NUP214: variants seen among roughly 807,000 people sequenced by gnomAD.
NUP214 encodes the protein nucleoporin 214.
NUP214 carries 79 observed loss-of-function variants against 196.2 expected under a neutral mutation model. That is an observed-to-expected ratio of 0.40 (90% CI 0.34 to 0.49). The LOEUF is 0.49. Ranked by LOEUF, NUP214 falls within the 20% of genes least tolerant of loss-of-function variation. NUP214 has a pLI of 0.58. For missense variants in NUP214, 2,468 were observed against 2,539.0 expected (o/e 0.97, Z 0.60); for synonymous variants, 1,020 against 990.5 (o/e 1.03, Z -0.56).
intron 30 of NUP214, among the ~76,000 whole-genome samples, chr9:131,211,730 C>T (rs1167945861): frequency 6.6e-6 from 1 of 152,216 alleles, no homozygotes; most frequent in Non-Finnish European, 1.5e-5. Flanking sequence ...GATCAGTACT[C>T]TTGTGATTTC....
intron 24 of NUP214, among the ~76,000 whole-genome samples, chr9:131,183,910 T>C (rs1833363988): frequency 6.6e-6 from 1 of 152,040 alleles, no homozygotes; most frequent in Admixed American, 6.5e-5. Context: ...GCATGCTGCT[T>C]TGTAAATTTG....
chr9:131,163,694 AAT>A (rs1404721121), intron 19 of NUP214, among the ~76,000 whole-genome samples, 174 bp from the exon 20 acceptor site: 1 of 152,192 alleles, frequency 6.6e-6, no homozygotes, highest in Non-Finnish European at 1.5e-5. Context: ...GATGGTATAT[AAT>A]ATGATTGTGA....
In NUP214 at chr9:131,144,361, C is replaced by T; in HGVS notation, c.1376C>T (p.Pro459Leu). 1 of 1,614,160 alleles carries T rather than the reference C, an allele frequency of 6.2e-7. No individual in the cohort carries two copies. The highest frequency in any genetic ancestry group is 8.5e-7 in the Non-Finnish European group (1 of 1,180,018). Residue 459 changes from proline (P) to leucine (L), a missense_variant, in exon 12 of 36, where the codon CCA (proline) becomes CTA (leucine). Transcript: ENST00000359428. ...ASAAAAPASL[P>L]PSSPAAPIAT... ...GCAGCTGCAGCCCCTGCCTCTCTGC[C>T]ACCTTCATCACCTGCTGCTCCCATT...
Position 131,232,309 on chromosome 9 carries a change from G to GT in NUP214, c.6239+2dup. The GT allele has an allele frequency of 6.2e-7, 1 of 1,613,854 alleles. No individual in the cohort carries two copies. Among genetic ancestry groups the GT allele is most frequent in the Non-Finnish European group, 8.5e-7 (1 of 1,179,724 alleles). The stretch of plus-strand genomic sequence containing the variant: ...GGTTCAGCTTTGGGTCAAATAACTC[G>GT]TAAGTATCCCCCTTTTTGAGTCTCA... On this transcript the variant is annotated splice_donor_variant, in intron 35 of 35. Coordinates refer to ENST00000359428, the MANE Select transcript of NUP214 (RefSeq NM_005085.4). LOFTEE classifies it high-confidence loss of function. This position sits in a 1 kb window ranked among gnomAD's most constrained non-coding sequence, Gnocchi z 5.1.
intron 17 of NUP214, chr9:131,159,031 C>A: frequency 5.8e-6 from 1 of 172,890 alleles, no homozygotes; most frequent in Non-Finnish European, 1.2e-5. Context: ...CCACTCCTGG[C>A]CAATTTTGTT....
At position 131,223,006 on chromosome 9, in the gene NUP214, C is replaced by G; in HGVS notation, c.5902+76C>G. The G allele has an allele frequency of 2.1e-6, 3 of 1,435,348 alleles. No homozygotes were observed. The East Asian group carries it at 7.0e-5, about 33-fold the overall frequency. The allele number at this position is 1,435,348 out of a possible 1,614,324, so 88.9% of individuals were successfully genotyped here. A position where few individuals can be genotyped will look rare whatever the true frequency, so the allele number is the denominator to read the frequency against. On this transcript the variant is annotated intron_variant, in intron 32 of 35. Transcript: ENST00000359428. The stretch of plus-strand genomic sequence containing the variant: ...TGCATAGATATCTGGAAGGAGACAT[C>G]TCTAGGGTGGTTATCTTAAGAGAGT...
chr9:131,206,128 A>G (rs915075343), intron 30 of NUP214, among the ~76,000 whole-genome samples: 1 of 72,628 alleles, frequency 1.4e-5, no homozygotes, highest in African/African-American at 5.1e-5. Flanking sequence ...ATTATTCCAC[A>G]TAGAATTTTT....
chr9:131,174,327 A>G lies in NUP214; in HGVS notation c.3157+9A>G. On this transcript the variant is annotated intron_variant, in intron 22 of 35. Transcript: ENST00000359428. ...TGTGATGGGAACTTCAGGTAAGTAA[A>G]CAGTGGGAAAGGAAACTGTTTTTCC... is the stretch of plus-strand genomic sequence containing the variant. The G allele has an allele frequency of 1.2e-6, 2 of 1,605,046 alleles. No individual in the cohort carries two copies. The highest frequency in any genetic ancestry group is 1.7e-6 in the Non-Finnish European group (2 of 1,177,748).
At chr9:131,168,870 C>A (rs116022001) in intron 21 of NUP214, among the ~76,000 whole-genome samples, 6,133 of 151,990 alleles carry the variant, frequency 0.04, 161 homozygotes, top group African/African-American at 0.077. Context: ...TATTATAAAT[C>A]GTTTATCCCT....
chr9:131,196,025 T>TCCCCCCC (rs1365777357), intron 28 of NUP214, among the ~76,000 whole-genome samples: 4 of 3,664 alleles, frequency 1.1e-3, no homozygotes, highest in African/African-American at 1.3e-3. Flanking sequence ...ACTCTGTGTG[T>TCCCCCCC]CCCCCCCCCC....
At chr9:131,193,629 C>CTTTTCTTTTTT (rs1833678351) in intron 27 of NUP214, among the ~76,000 whole-genome samples, 1 of 28,218 alleles carries the variant, frequency 3.5e-5, no homozygotes, top group Non-Finnish European at 6.5e-5. Flanking sequence ...TCTTCCTTTT[C>CTTTTCTTTTTT]TTTTTTTTTT....
intron 21 of NUP214, chr9:131,165,397 T>C (rs979499055): frequency 6.6e-6 from 1 of 152,242 alleles, no homozygotes; most frequent in Admixed American, 6.5e-5. Flanking sequence ...TAAAATGAAA[T>C]TGAGATTATA....
intron 30 of NUP214, among the ~76,000 whole-genome samples, chr9:131,206,775 G>C (rs1365449026): frequency 1.3e-5 from 2 of 152,112 alleles, no homozygotes; most frequent in African/African-American, 4.8e-5. Context: ...GCTATGAAAA[G>C]GAGCAGATTT....
rs117341748 is a variant in NUP214 at position 131,229,068 on chromosome 9, C to T, written c.6074+737C>T. 8.6e-3 allele frequency: 1,311 copies of T among 152,442 alleles called. 8 individuals are homozygous for T. Among genetic ancestry groups the T allele is most frequent in the Non-Finnish European group, 0.014 (943 of 68,140 alleles). The allele number at this position is 152,442 out of a possible 1,614,324, so 9.4% of individuals were successfully genotyped here. ...TCGATGCCTGAAAGGAGTTCTAAAACGCCTCTTGCCGCAGTACTGGGCTCA... is the reference window on the plus strand; with the variant it reads ...TCGATGCCTGAAAGGAGTTCTAAAATGCCTCTTGCCGCAGTACTGGGCTCA... On this transcript the variant is annotated intron_variant, in intron 33 of 35. Transcript: ENST00000359428.
chr9:131,163,009 G>A lies in NUP214; in HGVS notation c.2559G>A (p.Glu853=). ...TCAACAGGCACCTGCTTGTGCCAGA[G>A]CGAGAGACACTGTTTAACACCCTAG... The part of the protein sequence containing the change: ...KKKQRHLLVP[E]RETLFNTLAN... Residue 853 remains glutamate (E), a synonymous_variant, in exon 19 of 36, where the codon GAG becomes GAA. Transcript: ENST00000359428. 3 of 1,614,120 alleles carry A rather than the reference G, an allele frequency of 1.9e-6. No individual in the cohort carries two copies. The highest frequency in any genetic ancestry group is 2.5e-6 in the Non-Finnish European group (3 of 1,179,996).
intron 14 of NUP214, among the ~76,000 whole-genome samples, chr9:131,149,242 A>G (rs1001638591): frequency 5.3e-5 from 8 of 152,120 alleles, no homozygotes; most frequent in East Asian, 3.8e-4. Flanking sequence ...GTGTTTGTCA[A>G]ATAAATGTTT....
At chr9:131,206,832 G>A (rs540744400) in intron 30 of NUP214, among the ~76,000 whole-genome samples, 12 of 152,318 alleles carry the variant, frequency 7.9e-5, no homozygotes, top group African/African-American at 2.6e-4. Flanking sequence ...CAAAGAAATA[G>A]AAAACATCAC....
intron 17 of NUP214, among the ~76,000 whole-genome samples, chr9:131,157,890 C>T (rs1832507378): frequency 6.6e-6 from 1 of 152,112 alleles, no homozygotes. Flanking sequence ...AAGTGATCCA[C>T]CTGCTTTGGC....
intron 17 of NUP214, among the ~76,000 whole-genome samples, chr9:131,152,577 A>C (rs1832305622): frequency 6.6e-6 from 1 of 152,090 alleles, no homozygotes; most frequent in African/African-American, 2.4e-5. Context: ...TTTCTTATGC[A>C]TTATTTCTAG....
Sources: gnomAD v4.1 joint callset for allele counts (sites outside exome capture counted in the v4.1 genomes callset) on GRCh38, gnomAD v4.1.1 for gene constraint, Gnocchi (gnomAD v3.1) non-coding constraint, MANE v1.5 for transcripts, NCBI Gene and HGNC (gene_info 2026-07-23, HGNC 2026-07-21) for gene names.